The following WAPL variants were observed in gnomAD, a reference collection of about 807,000 sequenced individuals.
The protein encoded by WAPL is WAPL cohesin release factor.
In WAPL, 5 loss-of-function variants were observed where a neutral mutation model predicts 121.0. The ratio of observed to expected loss-of-function variants is 0.04; its 90% CI spans 0.02 to 0.09. The LOEUF is 0.09. Ranked by LOEUF, WAPL falls within the 10% of genes least tolerant of loss-of-function variation. WAPL has a pLI of 1.00. For synonymous variants in WAPL, 480 were observed against 481.5 expected, an observed-to-expected ratio of 1.00 and a Z score of 0.04; for missense variants, 999 against 1,410.8, an observed-to-expected ratio of 0.71 and a Z score of 4.68.
Position 86,521,602 on chromosome 10 carries a change from G to C in WAPL, c.-260C>G, listed in dbSNP as rs1189945244. The C allele has an allele frequency of 8.8e-6, 4 of 453,320 alleles. No homozygotes were observed. The highest frequency in any genetic ancestry group is 8.1e-5 in the East Asian group (1 of 12,272). 28.1% of individuals were successfully genotyped at this position (453,320 alleles called of 1,614,324 possible). On this transcript the variant is annotated 5_prime_UTR_variant, in exon 1 of 19. Transcript: ENST00000298767. ...CCGGCCGGGCCCAGGCCTAGCTCTC[G>C]CTGGCCGCCACTGCTGGAGCTGGTA...
intron 4 of WAPL, 151 bp from the exon 5 acceptor site, chr10:86,474,124 A>C: frequency 2.5e-5 from 16 of 640,168 alleles, no homozygotes; most frequent in Non-Finnish European, 3.3e-5. Flanking sequence ...TCCCATTCTC[A>C]TGTCTATGGC....
chr10:86,506,278 G>A (rs1842347103), intron 2 of WAPL, among the ~76,000 whole-genome samples: 1 of 152,132 alleles, frequency 6.6e-6, no homozygotes, highest in Non-Finnish European at 1.5e-5. Flanking sequence ...CTTTGAGGGT[G>A]AGGAAGGAGG....
At chr10:86,507,907 C>T (rs1041311760) in intron 2 of WAPL, among the ~76,000 whole-genome samples, 1 of 152,118 alleles carries the variant, frequency 6.6e-6, no homozygotes, top group African/African-American at 2.4e-5. Flanking sequence ...TCTCTCTGGG[C>T]AATAACACCC....
chr10:86,520,273 C>T (rs1842648484), intron 1 of WAPL, among the ~76,000 whole-genome samples: 1 of 152,138 alleles, frequency 6.6e-6, no homozygotes, highest in Non-Finnish European at 1.5e-5. Context: ...CCAGCCTGGG[C>T]AACAAGGGCG....
intron 2 of WAPL, among the ~76,000 whole-genome samples, chr10:86,503,711 C>A (rs1842290268): frequency 6.6e-6 from 1 of 151,310 alleles, no homozygotes; most frequent in South Asian, 2.1e-4. Context: ...CAAGATCACA[C>A]CACTGCACCA....
chr10:86,447,619 G>A (rs1032076239), intron 15 of WAPL, among the ~76,000 whole-genome samples: 1 of 152,162 alleles, frequency 6.6e-6, no homozygotes, highest in Non-Finnish European at 1.5e-5. Context: ...TTAGGGGGAA[G>A]TATAAATTAA....
At chr10:86,451,907 A>T in intron 15 of WAPL, 60 bp downstream of exon 15, 1 of 1,583,130 alleles carries the variant, frequency 6.3e-7, no homozygotes, top group Non-Finnish European at 8.6e-7. Flanking sequence ...AAATGATAAA[A>T]GAAATTGGAC....
chr10:86,495,295 C>T (rs1332086526), intron 4 of WAPL, among the ~76,000 whole-genome samples: 2 of 152,048 alleles, frequency 1.3e-5, no homozygotes, highest in Admixed American at 1.3e-4. Flanking sequence ...ACTGAAACCA[C>T]GTCTCTACAA....
At chr10:86,437,662 A>G in intron 18 of WAPL, 54 bp from the exon 19 acceptor site, 1 of 1,573,178 alleles carries the variant, frequency 6.4e-7, no homozygotes, top group African/African-American at 1.4e-5. Flanking sequence ...AACAGATTTT[A>G]AGAAGTATAA....
chr10:86,480,406 A>T (rs1841755304), intron 4 of WAPL, among the ~76,000 whole-genome samples: 1 of 152,228 alleles, frequency 6.6e-6, no homozygotes, highest in Non-Finnish European at 1.5e-5. Context: ...AAGTTCTAAA[A>T]AGTCCATGCA....
At chr10:86,518,874 GTGTAA>G (rs1842612394) in intron 1 of WAPL, among the ~76,000 whole-genome samples, 1 of 152,150 alleles carries the variant, frequency 6.6e-6, no homozygotes, top group African/African-American at 2.4e-5. Context: ...CTGCTTCTTG[GTGTAA>G]TGTAATTTGC....
Position 86,435,431 on chromosome 10 carries a change from G to T in WAPL, c.*2112C>A, listed in dbSNP as rs1849294573. The T allele has an allele frequency of 1.3e-5, 2 of 152,544 alleles. No individual in the cohort carries two copies. The highest frequency in any genetic ancestry group is 6.6e-5 in the Admixed American group (1 of 15,266). 9.4% of individuals were successfully genotyped at this position (152,544 alleles called of 1,614,324 possible). A position where few individuals can be genotyped will look rare whatever the true frequency, so the allele number is the denominator to read the frequency against. On this transcript the variant is annotated 3_prime_UTR_variant, in exon 19 of 19. Transcript: ENST00000298767. Reference sequence around the variant, plus strand: ...ATTGGATTCAGAAAAGTACTCTACTGTTCTAATTTCCAATTGGTAGTATTT... The same window carrying T: ...ATTGGATTCAGAAAAGTACTCTACTTTTCTAATTTCCAATTGGTAGTATTT...
chr10:86,459,134 C>T, intron 11 of WAPL, 69 bp from the exon 12 acceptor site: 1 of 1,228,342 alleles, frequency 8.1e-7, no homozygotes, highest in Non-Finnish European at 1.2e-6. Flanking sequence ...ACACCACATT[C>T]TGCCTGGTGC....
In WAPL at chr10:86,443,408, AC is replaced by A. The variant is rs1204672824; in HGVS notation, c.3323-46del. On this transcript the variant is annotated intron_variant, in intron 16 of 18. Transcript: ENST00000298767. Reference sequence around the variant, plus strand: ...GAATTGTAACAGTATATTAATTAACACAAACCTCACAAAACCAACCATTCTG... The same window carrying A: ...GAATTGTAACAGTATATTAATTAACAAAACCTCACAAAACCAACCATTCTG... The A allele has an allele frequency of 1.9e-6, 3 of 1,553,054 alleles. No individual in the cohort carries two copies. In the Admixed American group the frequency reaches 5.1e-5, roughly 27 times the overall value.
intron 14 of WAPL, 40 bp downstream of exon 14, chr10:86,453,180 A>G (rs183700716): frequency 2.0e-4 from 324 of 1,589,030 alleles, no homozygotes; most frequent in Non-Finnish European, 2.7e-4. Flanking sequence ...ACACCTTATT[A>G]GATATGATAC....
chr10:86,500,752 A>G lies in WAPL; in HGVS notation c.500-9T>C, dbSNP rs753765499. ...AAAATTCTCCACTTTATCTGTAAAA[A>G]TAAGTCAAAGGATAAAAACATGAGT... On this transcript the variant is annotated splice_polypyrimidine_tract_variant and intron_variant, in intron 2 of 18. Transcript: ENST00000298767. The G allele has an allele frequency of 5.2e-6, 8 of 1,540,824 alleles. No individual in the cohort carries two copies. The highest frequency in any genetic ancestry group is 2.6e-5 in the South Asian group (2 of 77,532).
intron 11 of WAPL, among the ~76,000 whole-genome samples, chr10:86,459,950 C>A (rs1212503218): frequency 6.6e-6 from 1 of 152,070 alleles, no homozygotes; most frequent in Non-Finnish European, 1.5e-5. Context: ...CCCGACTCTA[C>A]TAAAAATACA....
intron 16 of WAPL, 63 bp downstream of exon 16, chr10:86,446,179 G>C (rs1454037260): frequency 1.3e-6 from 2 of 1,575,090 alleles, no homozygotes; most frequent in Non-Finnish European, 1.7e-6. Flanking sequence ...AAAATAGTTT[G>C]AAGAAAAAAA....
intron 4 of WAPL, among the ~76,000 whole-genome samples, chr10:86,483,734 G>A (rs1841852388): frequency 7.0e-6 from 1 of 143,394 alleles, no homozygotes; most frequent in Admixed American, 7.1e-5. Context: ...TCTTCACTCT[G>A]GATAGGTCTA....
Sources: allele counts gnomAD v4.1 joint callset (sites outside exome capture counted in the v4.1 genomes callset), GRCh38; gene constraint gnomAD v4.1.1; transcripts MANE v1.5; gene names NCBI Gene and HGNC (gene_info 2026-07-23, HGNC 2026-07-21).